RBX1: variants seen among roughly 807,000 people sequenced by gnomAD.
RBX1 encodes the protein E3 ubiquitin-protein ligase RBX1.
For synonymous variants in RBX1, 48 were observed against 47.9 expected, an observed-to-expected ratio of 1.00 and a Z score of -0.01; for missense variants, 46 against 141.4, an observed-to-expected ratio of 0.33 and a Z score of 3.42.
intron 4 of RBX1, among the ~76,000 whole-genome samples, chr22:40,971,221 G>A (rs2058368266): frequency 6.6e-6 from 1 of 152,168 alleles, no homozygotes; most frequent in African/African-American, 2.4e-5. Flanking sequence ...ACTCTAACTG[G>A]TGACTTTCCC....
intron 3 of RBX1, chr22:40,967,526 C>T (rs561912754): frequency 3.8e-6 from 1 of 264,402 alleles, no homozygotes; most frequent in East Asian, 7.4e-5. Flanking sequence ...TCCACGTTCT[C>T]TTAAATAGAA....
At chr22:40,951,612 C>G in intron 1 of RBX1, 136 bp downstream of exon 1, 1 of 796,160 alleles carries the variant, frequency 1.3e-6, no homozygotes, top group Non-Finnish European at 2.0e-6. Context: ...CGAAAGGAAG[C>G]CGGGGGGCGG....
intron 2 of RBX1, among the ~76,000 whole-genome samples, chr22:40,959,809 C>T (rs545942020): frequency 6.6e-6 from 1 of 151,566 alleles, no homozygotes; most frequent in East Asian, 2.0e-4. Context: ...TAGACTCTGT[C>T]TAAAAGAAAA....
chr22:40,965,176 G>A (rs1306164516), intron 3 of RBX1, among the ~76,000 whole-genome samples: 3 of 152,006 alleles, frequency 2.0e-5, no homozygotes, highest in Non-Finnish European at 2.9e-5. Context: ...GGTGGCAGGC[G>A]CCTGTAGTCC....
At chr22:40,959,591 G>T (rs1001624510) in intron 2 of RBX1, among the ~76,000 whole-genome samples, 1 of 152,104 alleles carries the variant, frequency 6.6e-6, no homozygotes, top group Non-Finnish European at 1.5e-5. Flanking sequence ...CGCGTGGATC[G>T]TGTGAGGCCA....
At chr22:40,963,104 T>C (rs1290501666) in intron 2 of RBX1, among the ~76,000 whole-genome samples, 1 of 148,010 alleles carries the variant, frequency 6.8e-6, no homozygotes. Context: ...CCTCCCAAAG[T>C]GCTGGGATTA....
At chr22:40,964,873 A>G (rs952473235) in intron 3 of RBX1, among the ~76,000 whole-genome samples, 1 of 152,180 alleles carries the variant, frequency 6.6e-6, no homozygotes, top group Non-Finnish European at 1.5e-5. Flanking sequence ...CAAGGCATTT[A>G]ACGTCTCCAA....
intron 2 of RBX1, among the ~76,000 whole-genome samples, chr22:40,962,600 A>G (rs976134974): frequency 4.0e-5 from 6 of 151,196 alleles, no homozygotes; most frequent in South Asian, 2.1e-4. Flanking sequence ...GATTCAAGCA[A>G]TTCTTCTGCC....
At chr22:40,961,626 G>A (rs1366422803) in intron 2 of RBX1, among the ~76,000 whole-genome samples, 2 of 151,722 alleles carry the variant, frequency 1.3e-5, no homozygotes, top group Admixed American at 6.6e-5. Flanking sequence ...GGATGGGCTC[G>A]ATCTCCTGAC....
intron 3 of RBX1, chr22:40,964,401 A>G (rs2058348549): frequency 3.2e-6 from 1 of 308,920 alleles, no homozygotes; most frequent in Non-Finnish European, 6.2e-6. Context: ...TTCAAAACCT[A>G]CATGCACCCT....
At chr22:40,966,233 A>G (rs1234781680) in intron 3 of RBX1, 2 of 152,250 alleles carry the variant, frequency 1.3e-5, no homozygotes, top group African/African-American at 4.8e-5. Flanking sequence ...TATCTTCTGT[A>G]AATTGTACTT....
chr22:40,962,250 T>C (rs1371639426), intron 2 of RBX1, among the ~76,000 whole-genome samples: 1 of 151,790 alleles, frequency 6.6e-6, no homozygotes, highest in Non-Finnish European at 1.5e-5. Context: ...TGCAGACATG[T>C]ACCACCATGC....
At chr22:40,955,822 C>G (rs1450925495) in intron 2 of RBX1, among the ~76,000 whole-genome samples, 1 of 152,184 alleles carries the variant, frequency 6.6e-6, no homozygotes, top group Non-Finnish European at 1.5e-5. Flanking sequence ...CACTGTTTAT[C>G]TCTTCACACT....
At chr22:40,960,617 A>C (rs931040404) in intron 2 of RBX1, among the ~76,000 whole-genome samples, 2 of 152,134 alleles carry the variant, frequency 1.3e-5, no homozygotes, top group African/African-American at 4.8e-5. Flanking sequence ...TATTTAGCTA[A>C]TTTTATAATA....
chr22:40,963,611 G>T (rs563846584), intron 2 of RBX1, among the ~76,000 whole-genome samples: 18 of 152,226 alleles, frequency 1.2e-4, no homozygotes, highest in African/African-American at 4.1e-4. Flanking sequence ...ACTTCAGCCT[G>T]GGCAACAAGA....
intron 2 of RBX1, among the ~76,000 whole-genome samples, chr22:40,953,914 T>C (rs1400661520): frequency 6.6e-6 from 1 of 152,190 alleles, no homozygotes; most frequent in African/African-American, 2.4e-5. Context: ...TTCCTGCATA[T>C]CTTCCATCTT....
At chr22:40,969,115 GC>G (rs1346930342) in intron 4 of RBX1, among the ~76,000 whole-genome samples, 1 of 151,518 alleles carries the variant, frequency 6.6e-6, no homozygotes, top group African/African-American at 2.4e-5. Flanking sequence ...GGTGTTCAAG[GC>G]CAGCCTGGCC....
rs1428061642 is a variant in RBX1 at position 40,962,520 on chromosome 22, G to T, written c.158-1527G>T. ...CTTTTTTTTTTTTTTTTTTGAGACA[G>T]AGTCTCACTGTGTCACCCAGGCTGG... On this transcript the variant is annotated intron_variant, in intron 2 of 4. Coordinates refer to ENST00000216225, the MANE Select transcript of RBX1 (RefSeq NM_014248.4). Among the ~76,000 whole-genome samples, 5 of 134,464 alleles carry T rather than the reference G, an allele frequency of 3.7e-5. No individual in the cohort carries two copies. In the East Asian group the frequency reaches 1.1e-3, roughly 28 times the overall value. 88.2% of individuals were successfully genotyped at this position (134,464 alleles called of 152,430 possible).
At chr22:40,954,586 AAAATG>A (rs1270635545) in intron 2 of RBX1, among the ~76,000 whole-genome samples, 1 of 152,184 alleles carries the variant, frequency 6.6e-6, no homozygotes, top group Non-Finnish European at 1.5e-5. Flanking sequence ...TCCGGGAACT[AAAATG>A]ATTTGTTACT....
Sources: allele counts gnomAD v4.1 joint callset (sites outside exome capture counted in the v4.1 genomes callset), GRCh38; gene constraint gnomAD v4.1.1; transcripts MANE v1.5; gene names NCBI Gene and HGNC (gene_info 2026-07-23, HGNC 2026-07-21).